DLGAP1: variants seen among roughly 807,000 people sequenced by gnomAD.
The protein encoded by DLGAP1 is disks large-associated protein 1.
DLGAP1 carries 11 observed loss-of-function variants against 90.8 expected under a neutral mutation model. The ratio of observed to expected loss-of-function variants is 0.12; its 90% CI spans 0.08 to 0.20. The LOEUF (loss-of-function observed/expected upper bound fraction) is 0.20. DLGAP1 is among the 10% of genes least tolerant of loss of function. DLGAP1 has a pLI of 1.00. For synonymous variants in DLGAP1, 558 were observed against 540.7 expected, an observed-to-expected ratio of 1.03 and a Z score of -0.44; for missense variants, 1,050 against 1,333.8, an observed-to-expected ratio of 0.79 and a Z score of 3.31.
intron 7 of DLGAP1, among the ~76,000 whole-genome samples, chr18:3,692,439 C>T (rs2060929385): frequency 6.6e-6 from 1 of 152,114 alleles, no homozygotes; most frequent in African/African-American, 2.4e-5. Flanking sequence ...TATCCTTTTA[C>T]CAGGCATCAG....
chr18:4,013,723 G>A (rs2074470775), intron 2 of DLGAP1: 1 of 152,148 alleles, frequency 6.6e-6, no homozygotes, highest in Admixed American at 6.6e-5. Flanking sequence ...GTAAAATTAT[G>A]AAACACTGAA....
chr18:3,628,288 C>T lies in DLGAP1; in HGVS notation c.1592-46040G>A, dbSNP rs114860090. Among the ~76,000 whole-genome samples the T allele has an allele frequency of 2.7e-3, 401 of 149,456 alleles. 1 individual carries two copies. The highest frequency in any genetic ancestry group is 9.4e-3 in the African/African-American group (382 of 40,514). On this transcript the variant is annotated intron_variant, in intron 7 of 12. Coordinates refer to ENST00000315677, the MANE Select transcript of DLGAP1 (RefSeq NM_004746.4). Reference sequence around the variant, plus strand: ...CGCTGTAACCTCTGCCTCCCGGGTTCGAGCGATTCTCCTATTTCAGCCTCC... The same window carrying T: ...CGCTGTAACCTCTGCCTCCCGGGTTTGAGCGATTCTCCTATTTCAGCCTCC...
chr18:3,569,623 T>C (rs2054649073), intron 8 of DLGAP1, among the ~76,000 whole-genome samples: 1 of 151,998 alleles, frequency 6.6e-6, no homozygotes, highest in African/African-American at 2.4e-5. Flanking sequence ...CTTTTTTTCG[T>C]ATTTAATTCT....
At chr18:3,801,116 C>A (rs142703654) in intron 5 of DLGAP1, among the ~76,000 whole-genome samples, 1 of 152,048 alleles carries the variant, frequency 6.6e-6, no homozygotes, top group Non-Finnish European at 1.5e-5. Context: ...CCAGATCTTG[C>A]GTGAACTCAA....
chr18:4,044,883 C>T (rs7237510), intron 2 of DLGAP1, among the ~76,000 whole-genome samples: 152,235 of 152,238 alleles, frequency 1, 76,116 homozygotes, highest in Non-Finnish European at 1. Context: ...TGGTGGGAGG[C>T]GACTGGATCA....
intron 10 of DLGAP1, among the ~76,000 whole-genome samples, chr18:3,527,611 GAC>G (rs2051728184): frequency 6.6e-6 from 1 of 151,218 alleles, no homozygotes; most frequent in African/African-American, 2.4e-5. Context: ...GTTTGTTTGA[GAC>G]AGAGTCTCCC....
At chr18:4,366,044 G>A (rs529770915) in intron 1 of DLGAP1, among the ~76,000 whole-genome samples, 1 of 152,120 alleles carries the variant, frequency 6.6e-6, no homozygotes, top group Admixed American at 6.5e-5. Context: ...ATGATTTATA[G>A]ACATACTGTA....
In DLGAP1 at chr18:4,348,400, A is replaced by ATGTGTATGTGTGTGTGTGTG. The variant is rs71368742; in HGVS notation, c.-267+106605_-267+106606insCACACACACACACATACACA. Among the ~76,000 whole-genome samples, 270 of 133,550 alleles carry ATGTGTATGTGTGTGTGTGTG rather than the reference A, an allele frequency of 2.0e-3. 4 individuals are homozygous for ATGTGTATGTGTGTGTGTGTG. The highest frequency in any genetic ancestry group is 7.9e-3 in the African/African-American group (257 of 32,706). The allele number at this position is 133,550 out of a possible 152,430, so 87.6% of individuals were successfully genotyped here. On this transcript the variant is annotated intron_variant, in intron 1 of 12. Coordinates refer to ENST00000315677, the MANE Select transcript of DLGAP1 (RefSeq NM_004746.4). ...CAGGTGCCTCAGGATGAACTCAGGA[A>ATGTGTATGTGTGTGTGTGTG]TGTGTGTGTGTGTGTGTGTGTGTGT...
intron 1 of DLGAP1, among the ~76,000 whole-genome samples, chr18:4,167,976 A>T (rs1398531507): frequency 1.3e-5 from 2 of 152,210 alleles, no homozygotes; most frequent in Non-Finnish European, 2.9e-5. Context: ...GCATTCATGG[A>T]TTGGAAGACT....
chr18:3,954,132 A>G (rs11081077), intron 3 of DLGAP1, among the ~76,000 whole-genome samples: 44 of 152,286 alleles, frequency 2.9e-4, no homozygotes, highest in African/African-American at 1.0e-3. Flanking sequence ...TCAAAGTAAG[A>G]AGGTATTTTT....
chr18:4,294,987 C>T (rs1360858373), intron 1 of DLGAP1: 1 of 152,572 alleles, frequency 6.6e-6, no homozygotes, highest in Admixed American at 6.5e-5. Flanking sequence ...GTTTGCTAAT[C>T]TCCTTGTTTC....
chr18:3,911,523 G>A (rs2072034262), intron 3 of DLGAP1, among the ~76,000 whole-genome samples: 1 of 152,156 alleles, frequency 6.6e-6, no homozygotes, highest in South Asian at 2.1e-4. Context: ...GAATAACTAG[G>A]AAGTTGTTTG....
chr18:3,974,505 T>C (rs563116265), intron 3 of DLGAP1, among the ~76,000 whole-genome samples: 1 of 152,204 alleles, frequency 6.6e-6, no homozygotes, highest in Non-Finnish European at 1.5e-5. Flanking sequence ...GATCTCACTT[T>C]CTGAGGAGAG....
intron 2 of DLGAP1, among the ~76,000 whole-genome samples, chr18:4,093,929 AT>A (rs1164523712): frequency 2.0e-5 from 3 of 152,186 alleles, no homozygotes; most frequent in Middle Eastern, 3.4e-3. Flanking sequence ...TCAACCTCAT[AT>A]CCTGACCTCT....
At chr18:3,560,608 A>G (rs906872022) in intron 9 of DLGAP1, among the ~76,000 whole-genome samples, 3 of 147,096 alleles carry the variant, frequency 2.0e-5, no homozygotes, top group South Asian at 2.1e-4. Flanking sequence ...AAAAAAAAAA[A>G]GCATGTTTAT....
At position 3,499,298 on chromosome 18, in the gene DLGAP1, C is replaced by T. The variant is rs779717323; in HGVS notation, c.2821G>A (p.Ala941Thr). ...RSLESSQRQE[A>T]RKRLMAAKRA... ...TTGGCGGCCATCAGGCGCTTGCGGGCCTCCTGGCGCTGCGAGCTCTCCAGC... is the reference window on the plus strand; with the variant it reads ...TTGGCGGCCATCAGGCGCTTGCGGGTCTCCTGGCGCTGCGAGCTCTCCAGC... Residue 941 changes from alanine (A) to threonine (T), a missense_variant, in exon 13 of 13, where the codon GCC (alanine) becomes ACC (threonine). Ala to Thr is a moderately conservative substitution (Grantham distance 58, BLOSUM62 0). Transcript: ENST00000315677. This position sits in a 1 kb window ranked among gnomAD's most constrained non-coding sequence, Gnocchi z 6.4. The T allele has an allele frequency of 2.0e-5, 32 of 1,585,600 alleles. No individual in the cohort carries two copies. Among genetic ancestry groups the T allele is most frequent in the Non-Finnish European group, 2.4e-5 (28 of 1,167,190 alleles).
intron 3 of DLGAP1, among the ~76,000 whole-genome samples, chr18:3,956,233 G>A (rs2073080312): frequency 6.6e-6 from 1 of 152,202 alleles, no homozygotes; most frequent in African/African-American, 2.4e-5. Flanking sequence ...TTGCTCACAG[G>A]AGCAATGAAA....
chr18:4,101,717 T>C (rs1489808830), intron 2 of DLGAP1, among the ~76,000 whole-genome samples: 2 of 152,096 alleles, frequency 1.3e-5, no homozygotes, highest in African/African-American at 2.4e-5. Context: ...TATGTAACCA[T>C]TGAAATTAAT....
chr18:4,001,499 A>T (rs2074184775), intron 3 of DLGAP1, among the ~76,000 whole-genome samples: 1 of 152,006 alleles, frequency 6.6e-6, no homozygotes, highest in African/African-American at 2.4e-5. Flanking sequence ...TTTAAGTGAG[A>T]TGAGTTTTCT....
Sources: allele counts gnomAD v4.1 joint callset (sites outside exome capture counted in the v4.1 genomes callset), GRCh38; gene constraint gnomAD v4.1.1; non-coding constraint Gnocchi (gnomAD v3.1); transcripts MANE v1.5; gene names NCBI Gene and HGNC (gene_info 2026-07-23, HGNC 2026-07-21).